UNC13C: variants seen among roughly 807,000 people sequenced by gnomAD.
UNC13C encodes the protein unc-13 homolog C, also known as protein unc-13 homolog C.
UNC13C carries 174 observed loss-of-function variants against 245.4 expected under a neutral mutation model. The ratio of observed to expected loss-of-function variants is 0.71; its 90% CI spans 0.63 to 0.80. UNC13C has a LOEUF of 0.80. Ranked by LOEUF, UNC13C falls within the 30% of genes least tolerant of loss-of-function variation. UNC13C has a pLI of 0.00. For synonymous variants in UNC13C, 992 were observed against 895.1 expected (o/e 1.11, Z -1.93); for missense variants, 2,829 against 2,602.9 (o/e 1.09, Z -1.89).
intron 10 of UNC13C, among the ~76,000 whole-genome samples, chr15:54,267,156 T>G (rs2036567797): frequency 6.7e-6 from 1 of 148,214 alleles, no homozygotes; most frequent in Non-Finnish European, 1.5e-5. Context: ...TATGTAAATA[T>G]TTGTGTGGAC....
intron 30 of UNC13C, among the ~76,000 whole-genome samples, chr15:54,585,168 T>G (rs1898421592): frequency 6.6e-6 from 1 of 152,134 alleles, no homozygotes; most frequent in African/African-American, 2.4e-5. Flanking sequence ...CATGTTGAAA[T>G]GTGATCCTCA....
chr15:54,242,085 C>G (rs193150463), intron 7 of UNC13C, among the ~76,000 whole-genome samples: 1 of 152,278 alleles, frequency 6.6e-6, no homozygotes, highest in East Asian at 1.9e-4. Context: ...TTTGCATCTA[C>G]TTTGCATCAT....
At chr15:53,894,562 G>A in the UNC13C span, among the ~76,000 whole-genome samples, 53 of 152,244 alleles carry the variant, frequency 3.5e-4, no homozygotes, top group African/African-American at 1.1e-3. Context: ...CCCCTCTTAC[G>A]CCTTGAATGG....
At chr15:54,215,988 C>G (rs116339916) in intron 4 of UNC13C, among the ~76,000 whole-genome samples, 1 of 151,840 alleles carries the variant, frequency 6.6e-6, no homozygotes, top group African/African-American at 2.4e-5. Context: ...ATTAGAAAGT[C>G]AACAAAAAGA....
chr15:54,242,879 G>A (rs1287700809), intron 7 of UNC13C, among the ~76,000 whole-genome samples: 1 of 152,066 alleles, frequency 6.6e-6, no homozygotes, highest in African/African-American at 2.4e-5. Context: ...GACTTTGATT[G>A]GTTACATAAA....
intron 4 of UNC13C, among the ~76,000 whole-genome samples, chr15:54,234,319 G>A (rs965541906): frequency 2.0e-5 from 3 of 151,678 alleles, no homozygotes; most frequent in Admixed American, 2.0e-4. Flanking sequence ...CATCTTATGG[G>A]TATTTTTTAT....
intron 19 of UNC13C, among the ~76,000 whole-genome samples, chr15:54,457,373 A>G (rs188959474): frequency 6.6e-6 from 1 of 152,210 alleles, no homozygotes; most frequent in Admixed American, 6.5e-5. Context: ...TTTGGGTATT[A>G]CAGTGATACT....
intron 14 of UNC13C, among the ~76,000 whole-genome samples, chr15:54,328,603 A>T (rs998608569): frequency 4.7e-4 from 71 of 152,034 alleles, no homozygotes; most frequent in Non-Finnish European, 7.6e-4. Flanking sequence ...GAAAATAATG[A>T]GAGATGCTGA....
intron 4 of UNC13C, among the ~76,000 whole-genome samples, chr15:54,233,537 T>G (rs764711112): frequency 2.0e-5 from 3 of 152,216 alleles, no homozygotes; most frequent in Non-Finnish European, 4.4e-5. Context: ...ATTAATTCAT[T>G]TTATCTTTAT....
chr15:54,154,145 A>G (rs545021959), intron 4 of UNC13C, among the ~76,000 whole-genome samples: 6 of 152,074 alleles, frequency 3.9e-5, no homozygotes, highest in South Asian at 2.1e-4. Context: ...TATTTCCCCT[A>G]TCTAACTATA....
chr15:54,186,235 C>T (rs1595969698), intron 4 of UNC13C, among the ~76,000 whole-genome samples: 1 of 152,168 alleles, frequency 6.6e-6, no homozygotes, highest in Non-Finnish European at 1.5e-5. Flanking sequence ...ATTTGACTTC[C>T]TCTTTTCCAA....
intron 28 of UNC13C, among the ~76,000 whole-genome samples, chr15:54,553,585 A>T (rs1896964830): frequency 6.8e-6 from 1 of 147,732 alleles, no homozygotes; most frequent in African/African-American, 2.5e-5. Context: ...AAAATGCATA[A>T]ATCTTCAGGA....
intron 2 of UNC13C, among the ~76,000 whole-genome samples, chr15:54,028,366 G>A (rs559537180): frequency 2.6e-5 from 4 of 152,234 alleles, no homozygotes; most frequent in Non-Finnish European, 4.4e-5. Flanking sequence ...GACCATTGCT[G>A]TAGCCTCAAA....
intron 19 of UNC13C, among the ~76,000 whole-genome samples, chr15:54,484,803 A>G (rs1199601897): frequency 6.6e-6 from 1 of 152,178 alleles, no homozygotes; most frequent in Non-Finnish European, 1.5e-5. Context: ...TCCTCCCACA[A>G]AAAAGGATCT....
intron 1 of UNC13C, among the ~76,000 whole-genome samples, chr15:54,010,518 A>T (rs550880000): frequency 1.6e-4 from 24 of 152,338 alleles, no homozygotes; most frequent in African/African-American, 5.5e-4. Flanking sequence ...AAGAAGGAAC[A>T]GCATGGAAAA....
In UNC13C at chr15:54,380,859, A is replaced by G. The variant is rs114872620; in HGVS notation, c.4714-12189A>G. 9.4e-3 allele frequency among the ~76,000 whole-genome samples: 1,429 copies of G among 152,238 alleles called. 30 individuals carry two copies. The highest frequency in any genetic ancestry group is 0.033 in the African/African-American group (1,356 of 41,558). On this transcript the variant is annotated intron_variant, in intron 17 of 32. Transcript: ENST00000260323. ...GAATGTCTTACAAATTTTGGGTAGT[A>G]ACTCCTTATCAAATGTATAGATGGC...
At chr15:54,310,355 C>T (rs1596193605) in intron 13 of UNC13C, among the ~76,000 whole-genome samples, 1 of 151,848 alleles carries the variant, frequency 6.6e-6, no homozygotes, top group Admixed American at 6.6e-5. Context: ...CCAAATTGAA[C>T]CTCCTATAGA....
intron 10 of UNC13C, among the ~76,000 whole-genome samples, chr15:54,271,200 C>T (rs2036679776): frequency 6.6e-6 from 1 of 152,138 alleles, no homozygotes; most frequent in Non-Finnish European, 1.5e-5. Context: ...TAAGCCCTTA[C>T]AGAAATCTGA....
chr15:53,899,937 C>T, the UNC13C span, among the ~76,000 whole-genome samples: 1 of 152,144 alleles, frequency 6.6e-6, no homozygotes, highest in Non-Finnish European at 1.5e-5. Context: ...AGTCCCATCT[C>T]CCCAACAGAT....
Sources: allele counts gnomAD v4.1 joint callset (sites outside exome capture counted in the v4.1 genomes callset), GRCh38; gene constraint gnomAD v4.1.1; transcripts MANE v1.5; gene names NCBI Gene and HGNC (gene_info 2026-07-23, HGNC 2026-07-21).